The following NRXN3 variants were observed in gnomAD, a reference collection of about 807,000 sequenced individuals.
NRXN3 encodes neurexin 3, also known as neurexin III.
A neutral mutation model predicts 137.6 loss-of-function variants in NRXN3; 32 were observed. The observed-to-expected ratio is 0.23, with a 90% CI of 0.18 to 0.31. The LOEUF (loss-of-function observed/expected upper bound fraction) is 0.31, where lower values mean the gene tolerates loss of function less well. Ranked by LOEUF, NRXN3 falls within the 10% of genes least tolerant of loss-of-function variation. The pLI is 1.00. For missense variants in NRXN3, 1,574 were observed against 2,062.5 expected (o/e 0.76, Z 4.59); for synonymous variants, 798 against 784.5 (o/e 1.02, Z -0.29).
chr14:78,834,066 C>T (rs1287993123), intron 10 of NRXN3, among the ~76,000 whole-genome samples: 2 of 152,026 alleles, frequency 1.3e-5, no homozygotes, highest in East Asian at 3.9e-4. Context: ...GGTGGGTTTG[C>T]AGGACAGAAA....
At chr14:79,772,115 G>A (rs1419760133) in intron 19 of NRXN3, among the ~76,000 whole-genome samples, 1 of 150,898 alleles carries the variant, frequency 6.6e-6, no homozygotes. Context: ...CACTGCTCAA[G>A]GGAATAAAAG....
intron 4 of NRXN3, among the ~76,000 whole-genome samples, chr14:78,311,131 CAAATTA>C (rs1288759053): frequency 6.6e-6 from 1 of 152,034 alleles, no homozygotes; most frequent in Non-Finnish European, 1.5e-5. Context: ...AAGTGCTGTG[CAAATTA>C]AAATAGTGCT....
intron 6 of NRXN3, among the ~76,000 whole-genome samples, chr14:78,708,038 TGAC>T (rs1237255192): frequency 6.6e-6 from 1 of 152,232 alleles, no homozygotes; most frequent in Non-Finnish European, 1.5e-5. Context: ...TTTCTTATAA[TGAC>T]TTCTTTTCCT....
chr14:79,476,298 CAG>C (rs2096559106), intron 16 of NRXN3, among the ~76,000 whole-genome samples: 1 of 152,074 alleles, frequency 6.6e-6, no homozygotes, highest in South Asian at 2.1e-4. Context: ...GGACAGACGT[CAG>C]AGGGAACTGT....
chr14:79,375,236 T>G (rs1336993552), intron 15 of NRXN3, among the ~76,000 whole-genome samples: 1 of 17,434 alleles, frequency 5.7e-5, no homozygotes, highest in Admixed American at 1.2e-3. Flanking sequence ...AGTTTTTGTG[T>G]TTTTTTTTTT....
chr14:79,303,792 C>T (rs2085549032), intron 15 of NRXN3, among the ~76,000 whole-genome samples: 1 of 152,006 alleles, frequency 6.6e-6, no homozygotes, highest in South Asian at 2.1e-4. Flanking sequence ...ATATTATTTA[C>T]AAAAGGCAAA....
intron 4 of NRXN3, among the ~76,000 whole-genome samples, chr14:78,504,283 T>C (rs191680587): frequency 6.6e-6 from 1 of 152,276 alleles, no homozygotes; most frequent in Non-Finnish European, 1.5e-5. Context: ...AAATAAATAA[T>C]TCTGGAAACA....
chr14:78,863,516 T>C (rs2099078567), intron 10 of NRXN3, among the ~76,000 whole-genome samples: 1 of 152,074 alleles, frequency 6.6e-6, no homozygotes, highest in South Asian at 2.1e-4. Context: ...GTCCCGACCC[T>C]TGCTATGCCC....
At chr14:78,446,861 T>C (rs1024968429) in intron 4 of NRXN3, among the ~76,000 whole-genome samples, 6 of 152,222 alleles carry the variant, frequency 3.9e-5, no homozygotes, top group African/African-American at 1.4e-4. Flanking sequence ...TTGCCATCAC[T>C]TCTAGGTGTC....
chr14:78,522,288 A>G (rs554664332), intron 4 of NRXN3, among the ~76,000 whole-genome samples: 1 of 152,354 alleles, frequency 6.6e-6, no homozygotes, highest in African/African-American at 2.4e-5. Context: ...GACACTAAGT[A>G]GCTTGGTAAG....
chr14:78,993,274 T>G (rs2099522680), intron 15 of NRXN3, among the ~76,000 whole-genome samples: 9 of 152,120 alleles, frequency 5.9e-5, no homozygotes, highest in Admixed American at 5.9e-4. Context: ...CATTCAAGCT[T>G]CAGAAAATAC....
At chr14:79,394,938 C>G (rs1032692452) in intron 15 of NRXN3, among the ~76,000 whole-genome samples, 1 of 152,134 alleles carries the variant, frequency 6.6e-6, no homozygotes, top group East Asian at 1.9e-4. Flanking sequence ...CTAAAGAGCC[C>G]GCATTCTTCT....
intron 15 of NRXN3, among the ~76,000 whole-genome samples, chr14:79,044,440 T>G (rs2152544850): frequency 6.6e-6 from 1 of 152,334 alleles, no homozygotes; most frequent in South Asian, 2.1e-4. Context: ...TCTCCCTTTT[T>G]CATGTGTAAG....
intron 19 of NRXN3, among the ~76,000 whole-genome samples, chr14:79,781,744 C>A (rs372007667): frequency 1.1e-4 from 17 of 152,176 alleles, no homozygotes; most frequent in African/African-American, 4.1e-4. Flanking sequence ...TAATTCCCAC[C>A]AACTCCTGCC....
intron 4 of NRXN3, among the ~76,000 whole-genome samples, chr14:78,621,475 A>G (rs1186334575): frequency 2.6e-5 from 4 of 152,220 alleles, no homozygotes; most frequent in Non-Finnish European, 5.9e-5. Flanking sequence ...AATAACAAAT[A>G]CACTAATTAC....
chr14:79,645,632 T>C (rs1225650381), intron 16 of NRXN3, among the ~76,000 whole-genome samples: 1 of 131,226 alleles, frequency 7.6e-6, no homozygotes, highest in Admixed American at 8.2e-5. Flanking sequence ...AAAAAAAAAG[T>C]TTTTTTCGTG....
At position 79,619,833 on chromosome 14, in the gene NRXN3, T is replaced by C. The variant is rs750344419; in HGVS notation, c.3445-43945T>C. Among the ~76,000 whole-genome samples the C allele has an allele frequency of 1.6e-4, 24 of 152,124 alleles. 1 individual carries two copies. Among genetic ancestry groups the C allele is most frequent in the Admixed American group, 4.6e-4 (7 of 15,272 alleles). ...AGTACCATATGCATGAAAAGATAAA[T>C]GTCTTTATAAAGTTTCTTAATCATG... On this transcript the variant is annotated intron_variant, in intron 16 of 20. Transcript: ENST00000335750.
chr14:78,902,631 G>A (rs118058429), intron 10 of NRXN3, among the ~76,000 whole-genome samples: 7 of 151,774 alleles, frequency 4.6e-5, no homozygotes, highest in African/African-American at 1.2e-4. Context: ...TATGAACAAC[G>A]AAGTCCAAAT....
intron 4 of NRXN3, among the ~76,000 whole-genome samples, chr14:78,518,182 A>G (rs188062195): frequency 1.3e-5 from 2 of 152,304 alleles, no homozygotes; most frequent in Non-Finnish European, 2.9e-5. Context: ...CTTTATTTTC[A>G]GTGGTTCTTG....
Sources: gnomAD v4.1 joint callset for allele counts (sites outside exome capture counted in the v4.1 genomes callset) on GRCh38, gnomAD v4.1.1 for gene constraint, MANE v1.5 for transcripts, NCBI Gene and HGNC (gene_info 2026-07-23, HGNC 2026-07-21) for gene names.